Variants in SYNE2 observed in about 807,000 individuals in gnomAD.
SYNE2 encodes spectrin repeat containing nuclear envelope protein 2, also known as nesprin-2.
A neutral mutation model predicts 856.3 loss-of-function variants in SYNE2; 431 were observed. The ratio of observed to expected loss-of-function variants is 0.50; its 90% CI spans 0.47 to 0.55. The LOEUF is 0.55. Ranked by LOEUF, SYNE2 falls within the 20% of genes least tolerant of loss-of-function variation. SYNE2 has a pLI of 0.00. For synonymous variants in SYNE2, 2,923 were observed against 2,872.3 expected (o/e 1.02, Z -0.56); for missense variants, 8,129 against 8,023.2 (o/e 1.01, Z -0.50).
At chr14:64,118,509 A>C (rs961916312) in intron 66 of SYNE2, among the ~76,000 whole-genome samples, 1 of 152,240 alleles carries the variant, frequency 6.6e-6, no homozygotes, top group Admixed American at 6.5e-5. Flanking sequence ...ATAATTTTCA[A>C]ACAGTTACGT....
intron 51 of SYNE2, among the ~76,000 whole-genome samples, chr14:64,067,506 A>G (rs1486592319): frequency 6.6e-6 from 1 of 152,222 alleles, no homozygotes; most frequent in Non-Finnish European, 1.5e-5. Context: ...AATAAAAAGT[A>G]TATCATCTAA....
rs747349342 is a variant in SYNE2 at position 64,125,122 on chromosome 14, A to G, written c.13466A>G (p.Asn4489Ser). ...MGILPSVTMY[N>S]FRYPTTEELK... ...ATTCTACCCAGCGTGACTATGTATA[A>G]CTTTAGATACCCAACAACTGAAGAA... is the stretch of plus-strand genomic sequence containing the variant. The change falls in exon 71 of 116, where the codon AAC (asparagine) becomes AGC (serine). Residue 4489 changes from asparagine (N) to serine (S), a missense_variant. Coordinates refer to ENST00000555002, the MANE Select transcript of SYNE2 (RefSeq NM_182914.3). The G allele has an allele frequency of 3.1e-6, 5 of 1,614,052 alleles. No individual in the cohort carries two copies. The highest frequency in any genetic ancestry group is 1.3e-5 in the African/African-American group (1 of 74,926).
intron 16 of SYNE2, among the ~76,000 whole-genome samples, chr14:63,981,712 A>G (rs757171710): frequency 6.6e-6 from 1 of 152,188 alleles, no homozygotes; most frequent in African/African-American, 2.4e-5. Context: ...AATCTGTTCT[A>G]TGATTATCTG....
intron 1 of SYNE2, among the ~76,000 whole-genome samples, chr14:63,815,258 A>ATCCATAT (rs1888929489): frequency 2.2e-5 from 3 of 138,292 alleles, no homozygotes; most frequent in Non-Finnish European, 4.7e-5. Flanking sequence ...ATATATATAT[A>ATCCATAT]AGGGAGTTTA....
chr14:64,130,342 G>T, intron 76 of SYNE2, 94 bp downstream of exon 76: 1 of 1,168,720 alleles, frequency 8.6e-7, no homozygotes, highest in Non-Finnish European at 1.2e-6. Context: ...TTTCTTCTTT[G>T]TTGAAATTTA....
intron 1 of SYNE2, among the ~76,000 whole-genome samples, chr14:63,867,741 AAGAG>A (rs1163457962): frequency 2.0e-5 from 3 of 148,880 alleles, no homozygotes; most frequent in East Asian, 4.0e-4. Flanking sequence ...GAATGAAAGA[AAGAG>A]AGAGAAAGAA....
chr14:64,185,519 C>CTTTTTTTTTTT (rs66490444), intron 96 of SYNE2, among the ~76,000 whole-genome samples: 164 of 77,136 alleles, frequency 2.1e-3, no homozygotes, highest in Non-Finnish European at 2.3e-3. Context: ...TTTTCTTTTT[C>CTTTTTTTTTTT]TTTTTTTTTT....
At chr14:63,796,805 C>T (rs748702612) in intron 1 of SYNE2, among the ~76,000 whole-genome samples, 6 of 151,660 alleles carry the variant, frequency 4.0e-5, no homozygotes, top group Non-Finnish European at 7.4e-5. Flanking sequence ...GGCAACATAG[C>T]GAGACCCATT....
chr14:63,856,165 G>A (rs145051957), intron 1 of SYNE2, among the ~76,000 whole-genome samples: 101 of 152,280 alleles, frequency 6.6e-4, no homozygotes, highest in Non-Finnish European at 1.4e-3. Context: ...AGGGAGGGTA[G>A]GACTAAATGA....
rs533363453 is a variant in SYNE2, at chr14:64,070,667, T to C, written c.10454T>C (p.Leu3485Ser). 120 of 1,613,516 alleles carry C rather than the reference T, an allele frequency of 7.4e-5. No individual in the cohort carries two copies. The highest frequency in any genetic ancestry group is 1.0e-4 in the Non-Finnish European group (118 of 1,179,786). ...TAGATTGAACGAGAGGCAATTATTT[T>C]AGATAATCTTCAGGAAGAACTCCCT... Reference protein sequence around the residue: ...SEEIEREAIILDNLQEELPEI... With the variant: ...SEEIEREAIISDNLQEELPEI... Residue 3485 changes from leucine (L) to serine (S), a missense_variant, in exon 52 of 116, where the codon TTA becomes TCA. Transcript: ENST00000555002.
chr14:64,215,637 A>G (rs527269924), intron 107 of SYNE2: 1 of 538,354 alleles, frequency 1.9e-6, no homozygotes, highest in African/African-American at 1.9e-5. Flanking sequence ...TTTTTTCTCC[A>G]TCTAACTGAA....
chr14:64,214,806 C>T (rs1297652657), intron 106 of SYNE2, among the ~76,000 whole-genome samples: 1 of 152,100 alleles, frequency 6.6e-6, no homozygotes, highest in Non-Finnish European at 1.5e-5. Flanking sequence ...GTGGTGCGAC[C>T]ACGGCTCATT....
chr14:64,120,427 A>T (rs1035155119), intron 67 of SYNE2, among the ~76,000 whole-genome samples: 10 of 152,242 alleles, frequency 6.6e-5, no homozygotes, highest in African/African-American at 2.4e-4. Flanking sequence ...TGATCACTTC[A>T]CCAAATGTAG....
intron 1 of SYNE2, among the ~76,000 whole-genome samples, chr14:63,867,100 A>C (rs1895565902): frequency 1.3e-5 from 2 of 152,234 alleles, no homozygotes; most frequent in African/African-American, 4.8e-5. Context: ...GAGGTTAAAT[A>C]ACTTGTCCAA....
intron 105 of SYNE2, among the ~76,000 whole-genome samples, chr14:64,213,615 C>A (rs1455700733): frequency 6.6e-6 from 1 of 152,126 alleles, no homozygotes; most frequent in African/African-American, 2.4e-5. Context: ...TCCAACTGGC[C>A]ACATTCAAAT....
chr14:63,967,068 G>A (rs1566931104), intron 10 of SYNE2, among the ~76,000 whole-genome samples: 1 of 151,956 alleles, frequency 6.6e-6, no homozygotes, highest in Non-Finnish European at 1.5e-5. Context: ...GTTTCATCAT[G>A]TTGGCCAGGA....
At chr14:63,969,011 CCTT>C (rs1448529401) in intron 11 of SYNE2, among the ~76,000 whole-genome samples, 4 of 152,276 alleles carry the variant, frequency 2.6e-5, no homozygotes, top group African/African-American at 9.6e-5. Flanking sequence ...TGGTAATCAT[CCTT>C]CTACTGTCTG....
At chr14:63,868,905 C>T (rs1406726528) in intron 1 of SYNE2, among the ~76,000 whole-genome samples, 2 of 152,324 alleles carry the variant, frequency 1.3e-5, no homozygotes, top group Middle Eastern at 3.4e-3. Flanking sequence ...ATTCTCTCTG[C>T]CCCTTTGGCC....
chr14:63,981,399 C>A (rs1355576306), intron 16 of SYNE2, among the ~76,000 whole-genome samples: 3 of 152,136 alleles, frequency 2.0e-5, no homozygotes, highest in Non-Finnish European at 4.4e-5. Context: ...TACACGCCCC[C>A]CTCTTCCCAC....
Sources: allele counts gnomAD v4.1 joint callset (sites outside exome capture counted in the v4.1 genomes callset), GRCh38; gene constraint gnomAD v4.1.1; transcripts MANE v1.5; gene names NCBI Gene and HGNC (gene_info 2026-07-23, HGNC 2026-07-21).